PCCA: variants seen among roughly 807,000 people sequenced by gnomAD.
PCCA encodes the protein propionyl-CoA carboxylase subunit alpha.
In PCCA, 74 loss-of-function variants were observed where a neutral mutation model predicts 101.3. The ratio of observed to expected loss-of-function variants is 0.73; its 90% CI spans 0.61 to 0.89. The LOEUF is 0.89. Ranked by LOEUF, PCCA falls within the 40% of genes least tolerant of loss-of-function variation. The probability of loss-of-function intolerance (pLI) is 0.00; values close to 1 mark genes in which losing one functional copy is unlikely to be tolerated. For missense variants in PCCA, 891 were observed against 907.0 expected (o/e 0.98, Z 0.23); for synonymous variants, 294 against 313.6 (o/e 0.94, Z 0.66).
At chr13:100,436,057 AAG>A (rs370401216) in intron 20 of PCCA, among the ~76,000 whole-genome samples, 3 of 151,480 alleles carry the variant, frequency 2.0e-5, no homozygotes, top group Non-Finnish European at 2.9e-5. Context: ...TAAAAAAAAA[AAG>A]AGAGAGAGAG....
chr13:100,134,417 C>T (rs574896919), intron 4 of PCCA, among the ~76,000 whole-genome samples: 2 of 152,118 alleles, frequency 1.3e-5, no homozygotes, highest in African/African-American at 2.4e-5. Flanking sequence ...TTTATGTACA[C>T]ACACAAAAAA....
intron 16 of PCCA, among the ~76,000 whole-genome samples, chr13:100,322,496 C>G (rs1566932804): frequency 6.6e-6 from 1 of 151,874 alleles, no homozygotes; most frequent in East Asian, 1.9e-4. Flanking sequence ...ATATATGTAA[C>G]TATTGTGATA....
chr13:100,188,332 C>CCAA (rs2057473207), intron 6 of PCCA, among the ~76,000 whole-genome samples: 1 of 140,526 alleles, frequency 7.1e-6, no homozygotes, highest in Non-Finnish European at 1.6e-5. Flanking sequence ...AACAAAAACA[C>CCAA]AAAGAAAGAA....
intron 18 of PCCA, among the ~76,000 whole-genome samples, chr13:100,363,579 G>A (rs1469557929): frequency 6.6e-6 from 1 of 152,158 alleles, no homozygotes; most frequent in Non-Finnish European, 1.5e-5. Flanking sequence ...TGCAGAAACT[G>A]ACCTCAGTGG....
chr13:100,138,541 A>G (rs1660882552), intron 4 of PCCA, among the ~76,000 whole-genome samples: 1 of 152,158 alleles, frequency 6.6e-6, no homozygotes, highest in Admixed American at 6.6e-5. Context: ...CTTATGTTCC[A>G]GATTTCCTTC....
At chr13:100,209,673 C>T (rs1391632272) in intron 7 of PCCA, among the ~76,000 whole-genome samples, 1 of 152,010 alleles carries the variant, frequency 6.6e-6, no homozygotes, top group Non-Finnish European at 1.5e-5. Context: ...CTCTTGTCGC[C>T]CAGGCTGGAG....
At chr13:100,145,876 A>T (rs2052479797) in intron 4 of PCCA, among the ~76,000 whole-genome samples, 1 of 151,386 alleles carries the variant, frequency 6.6e-6, no homozygotes, top group Non-Finnish European at 1.5e-5. Flanking sequence ...AAAAAAAAAA[A>T]GTTTAGCTAT....
At chr13:100,324,793 C>T (rs2068465674) in intron 16 of PCCA, among the ~76,000 whole-genome samples, 1 of 152,154 alleles carries the variant, frequency 6.6e-6, no homozygotes, top group African/African-American at 2.4e-5. Flanking sequence ...CTGCTTAAAA[C>T]ACCATGTGAT....
intron 9 of PCCA, among the ~76,000 whole-genome samples, chr13:100,258,346 C>A (rs1440689114): frequency 1.3e-5 from 2 of 152,096 alleles, no homozygotes; most frequent in East Asian, 3.9e-4. Context: ...CTTAGAAGAG[C>A]ACGTGGAATG....
chr13:100,425,670 C>A lies in PCCA; in HGVS notation c.1784C>A (p.Thr595Lys). ...GGGTCGAAACTAAATGTGACCAGCACGTGGAACCTGGCTTCGCCCTTATTG... is the reference window on the plus strand; with the variant it reads ...GGGTCGAAACTAAATGTGACCAGCAAGTGGAACCTGGCTTCGCCCTTATTG... Reference protein sequence around the residue: ...VDGSKLNVTSTWNLASPLLSV... With the variant: ...VDGSKLNVTSKWNLASPLLSV... Residue 595 changes from threonine to lysine, a missense_variant, in exon 20 of 24, where the codon ACG becomes AAG. Coordinates refer to ENST00000376285, the MANE Select transcript of PCCA (RefSeq NM_000282.4). The A allele has an allele frequency of 6.2e-7, 1 of 1,614,024 alleles. No homozygotes were observed. The highest frequency in any genetic ancestry group is 1.1e-5 in the South Asian group (1 of 91,072).
chr13:100,140,974 T>C (rs1246104425), intron 4 of PCCA, among the ~76,000 whole-genome samples: 2 of 152,188 alleles, frequency 1.3e-5, no homozygotes, highest in African/African-American at 4.8e-5. Context: ...CTGAGGTTAC[T>C]GGGAGAGAAA....
intron 16 of PCCA, among the ~76,000 whole-genome samples, chr13:100,326,788 A>G (rs969275319): frequency 6.6e-6 from 1 of 152,178 alleles, no homozygotes; most frequent in Non-Finnish European, 1.5e-5. Context: ...GATTTGCTTC[A>G]TAACATTTTC....
intron 17 of PCCA, among the ~76,000 whole-genome samples, chr13:100,334,541 G>A (rs2070137099): frequency 6.6e-6 from 1 of 152,158 alleles, no homozygotes; most frequent in African/African-American, 2.4e-5. Flanking sequence ...GCAGATGACT[G>A]TGCTTACTGA....
chr13:100,379,738 CAGACCTCCTG>C (rs2076121409), intron 19 of PCCA, among the ~76,000 whole-genome samples: 1 of 152,090 alleles, frequency 6.6e-6, no homozygotes, highest in African/African-American at 2.4e-5. Context: ...ATAAAACCAT[CAGACCTCCTG>C]AGACTTATTC....
At chr13:100,386,338 G>T (rs181497647) in intron 19 of PCCA, among the ~76,000 whole-genome samples, 7 of 152,236 alleles carry the variant, frequency 4.6e-5, no homozygotes, top group Admixed American at 3.3e-4. Context: ...TTGAAATACT[G>T]TGCAGCCTTT....
At chr13:100,511,033 G>C (rs1303155895) in intron 21 of PCCA, among the ~76,000 whole-genome samples, 1 of 152,184 alleles carries the variant, frequency 6.6e-6, no homozygotes, top group Non-Finnish European at 1.5e-5. Context: ...CAGGCGATTG[G>C]GCCCTGTGCA....
intron 21 of PCCA, among the ~76,000 whole-genome samples, chr13:100,496,240 C>CAA (rs1418380015): frequency 6.6e-6 from 1 of 152,186 alleles, no homozygotes; most frequent in Non-Finnish European, 1.5e-5. Context: ...TTACTCACTA[C>CAA]AAAAAATACT....
chr13:100,129,116 C>G (rs2050242553), intron 4 of PCCA, among the ~76,000 whole-genome samples: 1 of 152,158 alleles, frequency 6.6e-6, no homozygotes, highest in African/African-American at 2.4e-5. Flanking sequence ...TGCAGAAGCA[C>G]AAGATGTAGG....
chr13:100,168,586 T>A (rs2152409935), intron 6 of PCCA, among the ~76,000 whole-genome samples: 1 of 152,322 alleles, frequency 6.6e-6, no homozygotes, highest in Non-Finnish European at 1.5e-5. Flanking sequence ...CTTATGCTAG[T>A]ATTGGGGGAA....
Sources: allele counts gnomAD v4.1 joint callset (sites outside exome capture counted in the v4.1 genomes callset), GRCh38; gene constraint gnomAD v4.1.1; transcripts MANE v1.5; gene names NCBI Gene and HGNC (gene_info 2026-07-23, HGNC 2026-07-21).